KCNT1: variants seen among roughly 807,000 people sequenced by gnomAD.
The protein encoded by KCNT1 is potassium channel subfamily T member 1.
KCNT1 carries 78 observed loss-of-function variants against 147.8 expected under a neutral mutation model. The observed-to-expected ratio is 0.53, with a 90% CI of 0.44 to 0.64. The LOEUF (loss-of-function observed/expected upper bound fraction) is 0.64, where lower values mean the gene tolerates loss of function less well. Ranked by LOEUF, KCNT1 falls within the 30% of genes least tolerant of loss-of-function variation. The pLI, the probability that KCNT1 is intolerant of heterozygous loss-of-function variation, is 0.00. For synonymous variants in KCNT1, 867 were observed against 748.8 expected, an observed-to-expected ratio of 1.16 and a Z score of -2.58; for missense variants, 1,419 against 1,750.3, an observed-to-expected ratio of 0.81 and a Z score of 3.38.
At chr9:135,791,717 C>G (rs1259793608) in intron 29 of KCNT1, 80 bp from the exon 30 acceptor site, 1 of 1,198,834 alleles carries the variant, frequency 8.3e-7, no homozygotes, top group Middle Eastern at 1.9e-4. Flanking sequence ...CATCCTGGAG[C>G]CCCCACACCT....
At chr9:135,756,557 C>G (rs371438097) in intron 6 of KCNT1, among the ~76,000 whole-genome samples, 1 of 152,186 alleles carries the variant, frequency 6.6e-6, no homozygotes, top group African/African-American at 2.4e-5. Context: ...TCCCTCCCCA[C>G]CAGGGCAGCG....
At chr9:135,726,774 CCT>C in intron 2 of KCNT1, among the ~76,000 whole-genome samples, 1 of 79,736 alleles carries the variant, frequency 1.3e-5, no homozygotes, top group East Asian at 4.5e-4. Flanking sequence ...TCTCTCTCTT[CCT>C]CTCTCTCCGT....
chr9:135,770,082 G>A (rs376707812), intron 16 of KCNT1, 27 bp downstream of exon 16: 32 of 1,530,182 alleles, frequency 2.1e-5, no homozygotes, highest in South Asian at 4.8e-5. Context: ...CCGGGGGACC[G>A]ACCTCCATGG....
chr9:135,776,839 T>C (rs1833207995), intron 20 of KCNT1, among the ~76,000 whole-genome samples: 1 of 152,236 alleles, frequency 6.6e-6, no homozygotes, highest in African/African-American at 2.4e-5. Flanking sequence ...CCCTCACCCT[T>C]TGAGCTCATC....
chr9:135,784,731 C>T (rs1833906629), intron 26 of KCNT1, 30 bp from the exon 27 acceptor site: 3 of 1,610,480 alleles, frequency 1.9e-6, no homozygotes, highest in East Asian at 4.5e-5. Context: ...TGCCACCTGC[C>T]CCAGCCAACT....
chr9:135,758,772 C>T (rs183490980), intron 10 of KCNT1, among the ~76,000 whole-genome samples: 3 of 152,286 alleles, frequency 2.0e-5, no homozygotes, highest in African/African-American at 4.8e-5. Flanking sequence ...TGGTCTATGC[C>T]ATGGACGTAG....
chr9:135,759,992 GT>G, intron 11 of KCNT1, 133 bp downstream of exon 11: 1 of 828,598 alleles, frequency 1.2e-6, no homozygotes, highest in Non-Finnish European at 1.8e-6. Context: ...GGCCAGGCGG[GT>G]GGTGCCTGCT....
intron 2 of KCNT1, among the ~76,000 whole-genome samples, chr9:135,740,048 C>T (rs1035652878): frequency 5.9e-5 from 9 of 152,168 alleles, no homozygotes; most frequent in African/African-American, 2.2e-4. Flanking sequence ...CTCCCTGTGT[C>T]CTCTCCTGGC....
At chr9:135,734,003 C>G (rs143947360) in intron 2 of KCNT1, among the ~76,000 whole-genome samples, 4 of 151,816 alleles carry the variant, frequency 2.6e-5, no homozygotes, top group African/African-American at 9.7e-5. Flanking sequence ...TCAAAACACA[C>G]CTTGGATCCA....
At chr9:135,779,048 C>T (rs981638392) in intron 23 of KCNT1, among the ~76,000 whole-genome samples, 2 of 136,988 alleles carry the variant, frequency 1.5e-5, no homozygotes, top group Admixed American at 7.2e-5. Flanking sequence ...CCCACAACCA[C>T]AGCCATGGGA....
chr9:135,749,967 T>G, intron 2 of KCNT1, 131 bp from the exon 3 acceptor site: 1 of 709,246 alleles, frequency 1.4e-6, no homozygotes. Flanking sequence ...GGAGTGGTCC[T>G]GCTGGGCCCT....
At position 135,714,218 on chromosome 9, in the gene KCNT1, G is replaced by C. The variant is rs1368041098; in HGVS notation, c.111-359G>C. ...GGGGTGTGGCGGGGCTTCAGAGCAG[G>C]GGGAGGGCCTCCATCCTGGCTCTTG... On this transcript the variant is annotated intron_variant, in intron 1 of 30. Transcript: ENST00000371757. This position sits in a 1 kb window ranked among gnomAD's most constrained non-coding sequence, Gnocchi z 6.2. Among the ~76,000 whole-genome samples, 3 of 151,904 alleles carry C rather than the reference G, an allele frequency of 2.0e-5. No homozygotes were observed. The highest frequency in any genetic ancestry group is 4.4e-5 in the Non-Finnish European group (3 of 67,884).
chr9:135,744,860 T>C (rs1260889988), intron 2 of KCNT1, among the ~76,000 whole-genome samples: 1 of 152,206 alleles, frequency 6.6e-6, no homozygotes, highest in Non-Finnish European at 1.5e-5. Flanking sequence ...CCCATGAGTC[T>C]CACCGGCCCT....
intron 1 of KCNT1, among the ~76,000 whole-genome samples, chr9:135,711,441 T>C (rs1835483295): frequency 1.3e-5 from 2 of 152,246 alleles, no homozygotes; most frequent in Non-Finnish European, 2.9e-5. Flanking sequence ...CCTTGGGCTC[T>C]GGGAGCCACT....
intron 23 of KCNT1, among the ~76,000 whole-genome samples, chr9:135,779,084 T>C (rs1442907283): frequency 1.6e-4 from 10 of 61,088 alleles, no homozygotes; most frequent in African/African-American, 6.5e-4. Flanking sequence ...CCCACAGCCA[T>C]GGACTCTGCC....
intron 23 of KCNT1, 90 bp from the exon 24 acceptor site, chr9:135,779,269 A>T: frequency 2.7e-6 from 1 of 369,520 alleles, no homozygotes; most frequent in Non-Finnish European, 4.9e-6. Flanking sequence ...CCCCGCCCTG[A>T]GACCCCCACA....
At chr9:135,766,944 C>A (rs928972332) in intron 13 of KCNT1, among the ~76,000 whole-genome samples, 3 of 152,120 alleles carry the variant, frequency 2.0e-5, no homozygotes, top group African/African-American at 7.2e-5. Context: ...GGAGAACGGG[C>A]TGAAGGTAGA....
At position 135,794,489 on chromosome 9, in the gene KCNT1, C is replaced by T. The variant is rs748815159; in HGVS notation, c.*2328C>T. 6.6e-6 allele frequency: 1 copy of T among 152,242 alleles called. No individual in the cohort carries two copies. The highest frequency in any genetic ancestry group is 2.4e-5 in the African/African-American group (1 of 41,466). The allele number at this position is 152,242 out of a possible 1,614,324, so 9.4% of individuals were successfully genotyped here. A position where few individuals can be genotyped will look rare whatever the true frequency, so the allele number is the denominator to read the frequency against. On this transcript the variant is annotated 3_prime_UTR_variant, in exon 31 of 31. Coordinates refer to ENST00000371757, the MANE Select transcript of KCNT1 (RefSeq NM_020822.3). ...CACTTCGGGTCCAGCCCTGGACATC[C>T]GAGGAGGAGGCGGGCAGTCCCTGCC... is the stretch of plus-strand genomic sequence containing the variant.
At chr9:135,773,063 G>C (rs1832870481) in intron 19 of KCNT1, 114 bp downstream of exon 19, 1 of 689,632 alleles carries the variant, frequency 1.5e-6, no homozygotes, top group Non-Finnish European at 2.2e-6. Flanking sequence ...GCAGCTTCTG[G>C]ACAGCTCCGT....
Sources: gnomAD v4.1 joint callset for allele counts (sites outside exome capture counted in the v4.1 genomes callset) on GRCh38, gnomAD v4.1.1 for gene constraint, Gnocchi (gnomAD v3.1) non-coding constraint, MANE v1.5 for transcripts, NCBI Gene and HGNC (gene_info 2026-07-23, HGNC 2026-07-21) for gene names.